The following NLRP7 variants were observed in gnomAD, a reference collection of about 807,000 sequenced individuals.
NLRP7 encodes NACHT, LRR and PYD domains-containing protein 7.
A neutral mutation model predicts 85.5 loss-of-function variants in NLRP7; 72 were observed. The ratio of observed to expected loss-of-function variants is 0.84; its 90% CI spans 0.70 to 1.02. The LOEUF is 1.02. Among genes scored for constraint, NLRP7 ranks in the 50% least tolerant of loss-of-function variants. NLRP7 has a pLI of 0.00. For synonymous variants in NLRP7, 550 were observed against 505.2 expected, an observed-to-expected ratio of 1.09 and a Z score of -1.19; for missense variants, 1,243 against 1,219.5, an observed-to-expected ratio of 1.02 and a Z score of -0.29.
upstream of NLRP7, among the ~76,000 whole-genome samples, chr19:54,948,203 G>T (rs1185239560): frequency 6.6e-6 from 1 of 152,138 alleles, no homozygotes; most frequent in Non-Finnish European, 1.5e-5. Context: ...GGCCAACGTG[G>T]TGAAACTCTG....
At chr19:54,958,451 C>T (rs1012745486) in intron 1 of NLRP7, among the ~76,000 whole-genome samples, 6 of 151,852 alleles carry the variant, frequency 4.0e-5, no homozygotes, top group Middle Eastern at 3.4e-3. Context: ...ACCAGCCTGG[C>T]CAACATGGTG....
At chr19:54,924,762 C>T (rs754971210) in intron 9 of NLRP7, among the ~76,000 whole-genome samples, 24 of 152,174 alleles carry the variant, frequency 1.6e-4, no homozygotes, top group East Asian at 1.2e-3. Flanking sequence ...ATAGTGAAAC[C>T]CCGTCTCTAC....
intron 8 of NLRP7, 146 bp downstream of exon 8, chr19:54,933,423 G>C: frequency 2.0e-6 from 2 of 993,136 alleles, no homozygotes; most frequent in South Asian, 2.8e-5. Flanking sequence ...GGGATTACAG[G>C]CATGAGCCAC....
chr19:54,960,242 G>A (rs1385862223), intron 1 of NLRP7, among the ~76,000 whole-genome samples: 1 of 151,748 alleles, frequency 6.6e-6, no homozygotes, highest in Non-Finnish European at 1.5e-5. Context: ...TGCAACCTCT[G>A]CTTCCCGGGT....
At chr19:54,952,286 CAA>C (rs1032844822), upstream of NLRP7, among the ~76,000 whole-genome samples, 1 of 151,816 alleles carries the variant, frequency 6.6e-6, no homozygotes, top group Non-Finnish European at 1.5e-5. Context: ...TGGCCCACAC[CAA>C]AACACTTAAA....
chr19:54,956,587 G>A (rs1278186619), intron 1 of NLRP7, among the ~76,000 whole-genome samples: 5 of 151,658 alleles, frequency 3.3e-5, no homozygotes, highest in Middle Eastern at 3.4e-3. Context: ...CCAGCTACTC[G>A]GGAGGCTGAG....
upstream of NLRP7, among the ~76,000 whole-genome samples, chr19:54,948,652 C>T (rs2069573102): frequency 6.6e-6 from 1 of 152,136 alleles, no homozygotes; most frequent in South Asian, 2.1e-4. Flanking sequence ...TTCTTGCAAC[C>T]TCTGCCTTCC....
rs527523229 is a variant in NLRP7 at position 54,934,479 on chromosome 19, G to C, written c.2471+10C>G. The stretch of plus-strand genomic sequence containing the variant: ...TAAACCAGAGCTGCCCATGGGAAGA[G>C]GAGACTTACGACAACATCTGCAGGA... On this transcript the variant is annotated intron_variant, in intron 7 of 9. Transcript: ENST00000340844. This position sits in a 1 kb window ranked among gnomAD's most constrained non-coding sequence, Gnocchi z 6.7. The C allele has an allele frequency of 1.9e-6, 3 of 1,614,022 alleles. No homozygotes were observed. The highest frequency in any genetic ancestry group is 4.5e-5 in the East Asian group (2 of 44,876).
intron 9 of NLRP7, among the ~76,000 whole-genome samples, chr19:54,928,479 C>T (rs1012946854): frequency 8.5e-5 from 13 of 152,102 alleles, no homozygotes; most frequent in African/African-American, 2.9e-4. Flanking sequence ...CAGAAGAAAT[C>T]CTTGTCCTCA....
chr19:54,934,694 A>G lies in NLRP7; in HGVS notation c.2301-35T>C, dbSNP rs1381940984. 1.3e-6 allele frequency: 2 copies of G among 1,570,486 alleles called. No homozygotes were observed. Among genetic ancestry groups the G allele is most frequent in the East Asian group, 2.3e-5 (1 of 43,948 alleles). ...GAGTGGGAAAAGTCATTCTTCTGGG[A>G]GGACAGAGTATACCCTATCAGCTTT... On this transcript the variant is annotated intron_variant, in intron 6 of 9. Coordinates refer to ENST00000340844, the Ensembl canonical transcript of NLRP7. This position sits in a 1 kb window ranked among gnomAD's most constrained non-coding sequence, Gnocchi z 6.7.
chr19:54,960,757 A>T (rs1251376342), intron 1 of NLRP7, among the ~76,000 whole-genome samples: 1 of 151,718 alleles, frequency 6.6e-6, no homozygotes, highest in African/African-American at 2.4e-5. Context: ...CACCGTGCCC[A>T]GCTAATTTTT....
At position 54,941,588 on chromosome 19, in the gene NLRP7, G is replaced by GGGTC; in HGVS notation, c.120_123dup (p.Pro42AspfsTer5). On this transcript the variant is annotated frameshift_variant, in exon 2 of 10. Coordinates refer to ENST00000340844, the Ensembl canonical transcript of NLRP7. LOFTEE classifies it high-confidence loss of function. ...TCAGCCTCTTCCACCTCAGACCATG[G>GGGTC]GGTCTTCTGTAGCACGTCTTCGAGG... 6.2e-7 allele frequency: 1 copy of GGGTC among 1,613,950 alleles called. No individual in the cohort carries two copies. The highest frequency in any genetic ancestry group is 8.5e-7 in the Non-Finnish European group (1 of 1,180,008).
upstream of NLRP7, among the ~76,000 whole-genome samples, chr19:54,951,130 GATT>G: frequency 6.6e-6 from 1 of 152,334 alleles, no homozygotes; most frequent in South Asian, 2.1e-4. Context: ...TAAGGTCATA[GATT>G]AACAGCATCT....
At chr19:54,958,920 A>C (rs1384933801) in intron 1 of NLRP7, among the ~76,000 whole-genome samples, 2 of 152,092 alleles carry the variant, frequency 1.3e-5, no homozygotes, top group Non-Finnish European at 2.9e-5. Context: ...GGTTTCGTGC[A>C]CTGCTGGTCA....
intron 1 of NLRP7, among the ~76,000 whole-genome samples, chr19:54,943,232 C>G (rs73605955): frequency 0.015 from 2,337 of 152,010 alleles, 69 homozygotes; most frequent in African/African-American, 0.054. Context: ...ATTGTTTGAG[C>G]CTACGATTTG....
chr19:54,951,388 A>G (rs574006016), upstream of NLRP7, among the ~76,000 whole-genome samples: 11 of 152,018 alleles, frequency 7.2e-5, no homozygotes, highest in Admixed American at 1.3e-4. Context: ...CTCTACAAAA[A>G]TACAAAAATT....
At chr19:54,936,854 G>A (rs939129852) in intron 5 of NLRP7, among the ~76,000 whole-genome samples, 1 of 152,054 alleles carries the variant, frequency 6.6e-6, no homozygotes, top group Admixed American at 6.6e-5. Context: ...GGCAGAGGTT[G>A]CAGTGAGCCG....
At chr19:54,961,832 A>AG (rs921018164) in intron 1 of NLRP7, among the ~76,000 whole-genome samples, 6 of 151,312 alleles carry the variant, frequency 4.0e-5, no homozygotes, top group South Asian at 4.2e-4. Context: ...CAAAAAAAAA[A>AG]GTACCTCCAA....
chr19:54,963,630 C>T (rs1266446959), intron 1 of NLRP7, among the ~76,000 whole-genome samples: 1 of 151,898 alleles, frequency 6.6e-6, no homozygotes, highest in African/African-American at 2.4e-5. Context: ...TCAAGACCAC[C>T]CTGTCCAACA....
Sources: allele counts gnomAD v4.1 joint callset (sites outside exome capture counted in the v4.1 genomes callset), GRCh38; gene constraint gnomAD v4.1.1; non-coding constraint Gnocchi (gnomAD v3.1); transcripts MANE v1.5; gene names NCBI Gene and HGNC (gene_info 2026-07-23, HGNC 2026-07-21).